The following MAGI2 variants were observed in gnomAD, a reference collection of about 807,000 sequenced individuals.
The protein encoded by MAGI2 is membrane-associated guanylate kinase, WW and PDZ domain-containing protein 2.
In MAGI2, 35 loss-of-function variants were observed where a neutral mutation model predicts 133.3. The ratio of observed to expected loss-of-function variants is 0.26; its 90% confidence interval spans 0.20 to 0.35. The LOEUF is 0.35. Among genes scored for constraint, MAGI2 ranks in the 10% least tolerant of loss-of-function variants. The pLI, the probability that MAGI2 is intolerant of heterozygous loss-of-function variation, is 1.00. For synonymous variants in MAGI2, 729 were observed against 710.6 expected, an observed-to-expected ratio of 1.03 and a Z score of -0.41; for missense variants, 1,636 against 1,863.4, an observed-to-expected ratio of 0.88 and a Z score of 2.25.
At chr7:79,263,730 A>C (rs1834239960) in intron 1 of MAGI2, among the ~76,000 whole-genome samples, 1 of 152,182 alleles carries the variant, frequency 6.6e-6, no homozygotes, top group South Asian at 2.1e-4. Context: ...CAAGAAAAAT[A>C]TATGCTGCTT....
intron 2 of MAGI2, among the ~76,000 whole-genome samples, chr7:78,648,315 A>T (rs1025655363): frequency 6.6e-6 from 1 of 152,134 alleles, no homozygotes; most frequent in Non-Finnish European, 1.5e-5. Flanking sequence ...AAAATAAAAC[A>T]ATTTCTTCCC....
intron 1 of MAGI2, among the ~76,000 whole-genome samples, chr7:79,258,604 G>A (rs1833862514): frequency 1.3e-5 from 2 of 152,098 alleles, no homozygotes; most frequent in Non-Finnish European, 2.9e-5. Context: ...CCTCACTGTG[G>A]CTCTAAAAAG....
At chr7:78,061,449 CA>C (rs1563069245) in intron 21 of MAGI2, among the ~76,000 whole-genome samples, 7 of 138,008 alleles carry the variant, frequency 5.1e-5, no homozygotes. Context: ...CACACACACA[CA>C]CACACACGAG....
chr7:78,441,077 C>A (rs893526929), intron 6 of MAGI2, among the ~76,000 whole-genome samples: 11 of 152,064 alleles, frequency 7.2e-5, no homozygotes, highest in Non-Finnish European at 1.2e-4. Flanking sequence ...ACTTGTTAGT[C>A]CTCCTCCCCT....
chr7:78,351,601 T>C (rs1251427307), intron 7 of MAGI2, among the ~76,000 whole-genome samples: 4 of 151,966 alleles, frequency 2.6e-5, no homozygotes, highest in African/African-American at 9.7e-5. Flanking sequence ...TCATCATTGC[T>C]TGGAATCCCT....
intron 20 of MAGI2, among the ~76,000 whole-genome samples, chr7:78,096,448 A>T (rs1817699032): frequency 6.6e-6 from 1 of 152,328 alleles, no homozygotes; most frequent in South Asian, 2.1e-4. Context: ...AATAAATGTT[A>T]GTTACATTAA....
intron 5 of MAGI2, among the ~76,000 whole-genome samples, chr7:78,491,536 G>A (rs556459850): frequency 5.3e-5 from 8 of 152,146 alleles, no homozygotes; most frequent in South Asian, 2.1e-4. Context: ...TAAATTGATC[G>A]GATAAAGGCT....
At chr7:78,966,262 G>T (rs960236603) in intron 2 of MAGI2, among the ~76,000 whole-genome samples, 1 of 152,088 alleles carries the variant, frequency 6.6e-6, no homozygotes, top group African/African-American at 2.4e-5. Flanking sequence ...TATTTACAAT[G>T]TTGTATAGGA....
At chr7:79,067,261 G>C (rs1420212603) in intron 1 of MAGI2, among the ~76,000 whole-genome samples, 2 of 152,054 alleles carry the variant, frequency 1.3e-5, no homozygotes, top group Non-Finnish European at 2.9e-5. Flanking sequence ...TTTTCCATTT[G>C]TGTCCTCTCT....
chr7:78,092,512 G>C (rs1817303218), intron 20 of MAGI2, among the ~76,000 whole-genome samples: 1 of 152,188 alleles, frequency 6.6e-6, no homozygotes, highest in South Asian at 2.1e-4. Flanking sequence ...GTCCATCCAT[G>C]CATGAGAACA....
chr7:79,328,455 C>G (rs1192244859), intron 1 of MAGI2, among the ~76,000 whole-genome samples: 1 of 151,932 alleles, frequency 6.6e-6, no homozygotes, highest in Non-Finnish European at 1.5e-5. Flanking sequence ...CAATTATGCA[C>G]TAAGATTAGG....
chr7:79,429,390 C>A (rs1000259342), intron 1 of MAGI2, among the ~76,000 whole-genome samples: 3 of 151,992 alleles, frequency 2.0e-5, no homozygotes, highest in African/African-American at 7.2e-5. Flanking sequence ...GCAACCTCTG[C>A]CTCTCAGGTT....
intron 13 of MAGI2, among the ~76,000 whole-genome samples, chr7:78,182,091 A>G (rs746408745): frequency 2.0e-4 from 31 of 152,236 alleles, no homozygotes; most frequent in Non-Finnish European, 4.3e-4. Context: ...TAATTAAAAC[A>G]TAAGTACCAT....
intron 9 of MAGI2, among the ~76,000 whole-genome samples, chr7:78,277,002 A>G (rs1795120617): frequency 1.3e-5 from 2 of 152,126 alleles, no homozygotes; most frequent in African/African-American, 2.4e-5. Flanking sequence ...CGATTTTCCA[A>G]TCTCAATCTT....
At chr7:78,972,593 A>T (rs1456616835) in intron 2 of MAGI2, among the ~76,000 whole-genome samples, 1 of 151,890 alleles carries the variant, frequency 6.6e-6, no homozygotes, top group African/African-American at 2.4e-5. Context: ...GGTAGATTTC[A>T]TAGTAATTAT....
At chr7:79,159,197 C>G (rs769015254) in intron 1 of MAGI2, among the ~76,000 whole-genome samples, 4 of 151,912 alleles carry the variant, frequency 2.6e-5, no homozygotes, top group Non-Finnish European at 4.4e-5. Context: ...ATATTTAGGA[C>G]AAAACAGAAA....
chr7:78,225,400 A>T (rs1379961422), intron 10 of MAGI2, among the ~76,000 whole-genome samples: 1 of 151,594 alleles, frequency 6.6e-6, no homozygotes, highest in Non-Finnish European at 1.5e-5. Context: ...ATTAGACTGG[A>T]GGGCAGTGGC....
intron 21 of MAGI2, among the ~76,000 whole-genome samples, chr7:78,058,491 A>G (rs1554427092): frequency 1.7e-5 from 1 of 58,986 alleles, no homozygotes; most frequent in Non-Finnish European, 3.4e-5. Flanking sequence ...TTTTTTTTTG[A>G]GACGGAGTTT....
At chr7:79,106,323 A>G (rs1818444312) in intron 1 of MAGI2, among the ~76,000 whole-genome samples, 1 of 150,942 alleles carries the variant, frequency 6.6e-6, no homozygotes, top group African/African-American at 2.4e-5. Flanking sequence ...GATTGCAAAG[A>G]TGAAGCATGA....
Sources: gnomAD v4.1 joint callset for allele counts (sites outside exome capture counted in the v4.1 genomes callset) on GRCh38, gnomAD v4.1.1 for gene constraint, MANE v1.5 for transcripts, NCBI Gene and HGNC (gene_info 2026-07-23, HGNC 2026-07-21) for gene names.